RABGEF1: variants seen among roughly 807,000 people sequenced by gnomAD.
RABGEF1 encodes rab5 GDP/GTP exchange factor.
Under a neutral mutation model 57.3 loss-of-function variants are expected in RABGEF1, and 26 were observed. That is an observed-to-expected ratio of 0.45 (90% CI 0.33 to 0.63). RABGEF1 has a LOEUF of 0.63. RABGEF1 is among the 20% of genes least tolerant of loss of function. The pLI, the probability that RABGEF1 is intolerant of heterozygous loss-of-function variation, is 0.02. For synonymous variants in RABGEF1, 185 were observed against 210.7 expected, an observed-to-expected ratio of 0.88 and a Z score of 1.06; for missense variants, 464 against 607.6, an observed-to-expected ratio of 0.76 and a Z score of 2.48.
chr7:66,790,130 G>GC (rs1291173860), intron 4 of RABGEF1, among the ~76,000 whole-genome samples: 1 of 152,216 alleles, frequency 6.6e-6, no homozygotes, highest in Non-Finnish European at 1.5e-5. Flanking sequence ...CAGGGCTTCT[G>GC]CAAGGACTCG....
chr7:66,721,979 C>CA (rs962790021), intron 2 of RABGEF1, among the ~76,000 whole-genome samples: 9 of 152,086 alleles, frequency 5.9e-5, no homozygotes, highest in Admixed American at 2.0e-4. Context: ...TAGTGAGACC[C>CA]CCCCTCCGTC....
intron 1 of RABGEF1, among the ~76,000 whole-genome samples, chr7:66,765,046 C>T (rs1169977494): frequency 6.6e-6 from 1 of 151,738 alleles, no homozygotes; most frequent in Admixed American, 6.6e-5. Context: ...ATTATATCTG[C>T]AAAGTCCTTT....
At chr7:66,764,558 C>G (rs764496663) in intron 1 of RABGEF1, among the ~76,000 whole-genome samples, 4 of 152,298 alleles carry the variant, frequency 2.6e-5, no homozygotes, top group Admixed American at 2.6e-4. Flanking sequence ...TTTACCTCTA[C>G]ATTTTCTTCT....
intron 8 of RABGEF1, among the ~76,000 whole-genome samples, chr7:66,805,654 T>TAG (rs1157762813): frequency 6.6e-6 from 1 of 152,190 alleles, no homozygotes; most frequent in African/African-American, 2.4e-5. Flanking sequence ...CGGTCCTGGG[T>TAG]AGAAGAGTCC....
chr7:66,675,935 T>C, the RABGEF1 span, among the ~76,000 whole-genome samples: 1 of 151,984 alleles, frequency 6.6e-6, no homozygotes, highest in African/African-American at 2.4e-5. Flanking sequence ...AGAAGACAAA[T>C]AAATGGAAAG....
intron 6 of RABGEF1, among the ~76,000 whole-genome samples, chr7:66,798,580 G>A (rs767078525): frequency 1.2e-4 from 18 of 152,134 alleles, no homozygotes; most frequent in Non-Finnish European, 2.2e-4. Context: ...TAGTTGGAGT[G>A]CAGTTAGGGT....
chr7:66,679,440 C>A (rs1420449672), upstream of RABGEF1, among the ~76,000 whole-genome samples: 1 of 152,152 alleles, frequency 6.6e-6, no homozygotes, highest in Non-Finnish European at 1.5e-5. Flanking sequence ...TCCAGAGTAG[C>A]TGGGACTACA....
At chr7:66,775,202 A>G in intron 2 of RABGEF1, 25 bp from the exon 3 acceptor site, 2 of 1,593,598 alleles carry the variant, frequency 1.3e-6, no homozygotes, top group Non-Finnish European at 1.7e-6. Context: ...TATCTAGGTC[A>G]TTCTAATCCT....
At chr7:66,655,091 T>C in the RABGEF1 span, among the ~76,000 whole-genome samples, 1 of 152,194 alleles carries the variant, frequency 6.6e-6, no homozygotes, top group African/African-American at 2.4e-5. Flanking sequence ...ACCACAGCTC[T>C]TGGCCGCGAC....
At chr7:66,681,581 T>C (rs568684389), upstream of RABGEF1, among the ~76,000 whole-genome samples, 15 of 33,194 alleles carry the variant, frequency 4.5e-4, no homozygotes, top group African/African-American at 2.3e-3. Flanking sequence ...AAAATTTCTT[T>C]TGTAGAGATG....
chr7:66,736,111 C>T (rs1482406464), upstream of RABGEF1, among the ~76,000 whole-genome samples: 1 of 152,100 alleles, frequency 6.6e-6, no homozygotes, highest in East Asian at 1.9e-4. Flanking sequence ...AAAAACAAGA[C>T]AAAAAACAAA....
At chr7:66,741,308 T>C (rs895591256) in intron 1 of RABGEF1, among the ~76,000 whole-genome samples, 5 of 152,096 alleles carry the variant, frequency 3.3e-5, no homozygotes, top group Admixed American at 2.6e-4. Flanking sequence ...GGGGCAGAAG[T>C]GTCCCGGAGT....
upstream of RABGEF1, among the ~76,000 whole-genome samples, chr7:66,738,457 T>C (rs548711152): frequency 6.6e-6 from 1 of 152,168 alleles, no homozygotes; most frequent in East Asian, 1.9e-4. Flanking sequence ...GGCCCAGGGG[T>C]CTAGGCTCAT....
intron 1 of RABGEF1, among the ~76,000 whole-genome samples, chr7:66,703,805 T>G (rs986493553): frequency 5.9e-5 from 9 of 152,338 alleles, no homozygotes; most frequent in African/African-American, 2.2e-4. Context: ...AACTTTAGGA[T>G]AAACTTGTCC....
intron 4 of RABGEF1, among the ~76,000 whole-genome samples, chr7:66,788,313 C>T (rs1304790167): frequency 2.6e-5 from 4 of 151,972 alleles, no homozygotes; most frequent in African/African-American, 7.3e-5. Flanking sequence ...GGCATGGTGG[C>T]GCTCGCCTGT....
the RABGEF1 span, among the ~76,000 whole-genome samples, chr7:66,664,767 C>T: frequency 6.6e-6 from 1 of 152,238 alleles, no homozygotes; most frequent in Non-Finnish European, 1.5e-5. Context: ...CGGCGGCTGC[C>T]GCTTAAGTAG....
intron 1 of RABGEF1, among the ~76,000 whole-genome samples, chr7:66,685,139 T>G (rs1790399622): frequency 6.7e-6 from 1 of 148,826 alleles, no homozygotes; most frequent in Admixed American, 6.9e-5. Context: ...TTCAGTATAG[T>G]GCTGGATTAT....
Position 66,757,255 on chromosome 7 carries a change from T to C in RABGEF1, c.-17-14628T>C, listed in dbSNP as rs183848313. On this transcript the variant is annotated intron_variant, in intron 1 of 8. Coordinates refer to ENST00000284957, the MANE Select transcript of RABGEF1 (RefSeq NM_014504.3). ...CATATTGATGCTATTATGACTGATA[T>C]CTTTTTTATACTTTCTAACTTGTTA... Among the ~76,000 whole-genome samples, 218 of 152,234 alleles carry C rather than the reference T, an allele frequency of 1.4e-3. 4 individuals are homozygous for C. The Middle Eastern group carries it at 0.024, about 17-fold the overall frequency.
At chr7:66,797,986 G>T (rs146698558) in intron 6 of RABGEF1, among the ~76,000 whole-genome samples, 1 of 152,110 alleles carries the variant, frequency 6.6e-6, no homozygotes, top group African/African-American at 2.4e-5. Context: ...GCATGGTGGC[G>T]CACGCCTGTG....
Sources: gnomAD v4.1 joint callset for allele counts (sites outside exome capture counted in the v4.1 genomes callset) on GRCh38, gnomAD v4.1.1 for gene constraint, MANE v1.5 for transcripts, NCBI Gene and HGNC (gene_info 2026-07-23, HGNC 2026-07-21) for gene names.